CLINT1: variants seen among roughly 807,000 people sequenced by gnomAD.
CLINT1 encodes the protein clathrin interactor 1.
In CLINT1, 15 loss-of-function variants were observed where a neutral mutation model predicts 70.4. The observed-to-expected ratio is 0.21, with a 90% CI of 0.14 to 0.33. The LOEUF (loss-of-function observed/expected upper bound fraction) is 0.33, where lower values mean the gene tolerates loss of function less well. Among genes scored for constraint, CLINT1 ranks in the 10% least tolerant of loss-of-function variants. CLINT1 has a pLI of 1.00. For missense variants in CLINT1, 615 were observed against 778.1 expected, an observed-to-expected ratio of 0.79 and a Z score of 2.49; for synonymous variants, 227 against 254.7, an observed-to-expected ratio of 0.89 and a Z score of 1.04.
At chr5:157,840,213 A>AAAAAAAAAC (rs1554102281) in intron 1 of CLINT1, among the ~76,000 whole-genome samples, 1 of 141,476 alleles carries the variant, frequency 7.1e-6, no homozygotes, top group African/African-American at 2.7e-5. Context: ...AAAAAAAAAA[A>AAAAAAAAAC]GGAAAAAAGA....
At chr5:157,802,179 G>C (rs1762245296) in intron 8 of CLINT1, among the ~76,000 whole-genome samples, 1 of 152,136 alleles carries the variant, frequency 6.6e-6, no homozygotes, top group African/African-American at 2.4e-5. Flanking sequence ...ACAGGTGTGA[G>C]CCACTGTGCA....
chr5:157,852,841 A>T (rs1753619748), intron 1 of CLINT1, among the ~76,000 whole-genome samples: 1 of 152,234 alleles, frequency 6.6e-6, no homozygotes, highest in South Asian at 2.1e-4. Context: ...AGATGGACAA[A>T]CACACATAAT....
chr5:157,830,589 C>T (rs532757869), intron 1 of CLINT1, among the ~76,000 whole-genome samples: 3 of 151,758 alleles, frequency 2.0e-5, no homozygotes, highest in African/African-American at 7.3e-5. Context: ...AAACAAAATA[C>T]CTAAGGGCTG....
intron 7 of CLINT1, among the ~76,000 whole-genome samples, chr5:157,805,405 C>A (rs1447723610): frequency 6.6e-6 from 1 of 152,186 alleles, no homozygotes; most frequent in Non-Finnish European, 1.5e-5. Flanking sequence ...TCTTTTGATA[C>A]TGATCAGTAA....
chr5:157,827,439 A>G (rs2113250386), intron 1 of CLINT1, among the ~76,000 whole-genome samples: 1 of 152,302 alleles, frequency 6.6e-6, no homozygotes, highest in East Asian at 1.9e-4. Context: ...AAATATAGGG[A>G]CTGATCCAAA....
chr5:157,805,017 C>G (rs1409996658), intron 7 of CLINT1, among the ~76,000 whole-genome samples: 1 of 152,088 alleles, frequency 6.6e-6, no homozygotes, highest in East Asian at 1.9e-4. Context: ...ATACTACAAA[C>G]TGTTATTTAA....
intron 1 of CLINT1, among the ~76,000 whole-genome samples, chr5:157,851,195 T>C (rs763300623): frequency 6.6e-6 from 1 of 152,218 alleles, no homozygotes; most frequent in African/African-American, 2.4e-5. Flanking sequence ...ATGCCTTTTT[T>C]CTACTATAAA....
intron 1 of CLINT1, among the ~76,000 whole-genome samples, chr5:157,853,931 T>C (rs1408889705): frequency 9.9e-5 from 15 of 152,090 alleles, no homozygotes; most frequent in Non-Finnish European, 1.9e-4. Context: ...TAAGAAATGC[T>C]AGCAGAGATA....
intron 1 of CLINT1, among the ~76,000 whole-genome samples, chr5:157,828,173 G>T (rs1227189753): frequency 2.0e-5 from 3 of 152,176 alleles, no homozygotes; most frequent in African/African-American, 7.2e-5. Context: ...GACCTGGGCA[G>T]ATGACAGGCT....
intron 8 of CLINT1, 60 bp downstream of exon 8, chr5:157,803,590 T>C (rs916384984): frequency 8.4e-7 from 1 of 1,185,950 alleles, no homozygotes; most frequent in African/African-American, 1.6e-5. Flanking sequence ...ATCTATCTTT[T>C]ATTTGGCATT....
intron 1 of CLINT1, among the ~76,000 whole-genome samples, chr5:157,850,044 G>A (rs1753518175): frequency 6.6e-6 from 1 of 152,146 alleles, no homozygotes. Flanking sequence ...ATGTAATACA[G>A]GAGGTCCACT....
intron 1 of CLINT1, among the ~76,000 whole-genome samples, chr5:157,820,492 T>C (rs964750433): frequency 2.0e-5 from 3 of 152,336 alleles, no homozygotes; most frequent in South Asian, 4.1e-4. Context: ...AAGATGAGAT[T>C]TGATGGCATA....
At chr5:157,816,661 A>C (rs1415262178) in intron 3 of CLINT1, 73 bp downstream of exon 3, 5 of 942,394 alleles carry the variant, frequency 5.3e-6, no homozygotes, top group Non-Finnish European at 8.4e-6. Context: ...AAAATCACCT[A>C]TGTATATACA....
At chr5:157,833,540 G>C (rs888342829) in intron 1 of CLINT1, among the ~76,000 whole-genome samples, 1 of 152,144 alleles carries the variant, frequency 6.6e-6, no homozygotes, top group Non-Finnish European at 1.5e-5. Flanking sequence ...CTTATAGCTT[G>C]AATGCCACTT....
intron 1 of CLINT1, among the ~76,000 whole-genome samples, chr5:157,821,085 C>T (rs1762868789): frequency 2.0e-5 from 3 of 151,866 alleles, no homozygotes; most frequent in Admixed American, 2.0e-4. Flanking sequence ...TTTTAAAGTA[C>T]CGGCAACCAT....
intron 4 of CLINT1, 61 bp from the exon 5 acceptor site, chr5:157,813,288 T>G: frequency 7.2e-7 from 1 of 1,394,556 alleles, no homozygotes; most frequent in Non-Finnish European, 9.5e-7. Flanking sequence ...ATCAAGCTCT[T>G]TAAGATTAAA....
At chr5:157,804,037 TAAA>T (rs3836883) in intron 7 of CLINT1, among the ~76,000 whole-genome samples, 3,430 of 131,236 alleles carry the variant, frequency 0.026, 137 homozygotes, top group African/African-American at 0.085. Context: ...ATCAGTTCAT[TAAA>T]AAAAAAAAAA....
intron 1 of CLINT1, among the ~76,000 whole-genome samples, chr5:157,835,412 C>T (rs1763384941): frequency 6.6e-6 from 1 of 152,130 alleles, no homozygotes; most frequent in South Asian, 2.1e-4. Context: ...AAGAAAATGT[C>T]ACCAGAGGCT....
Position 157,840,468 on chromosome 5 carries a change from A to G in CLINT1, c.41+18462T>C, listed in dbSNP as rs1029224345. On this transcript the variant is annotated intron_variant, in intron 1 of 11. Coordinates refer to ENST00000411809, the MANE Select transcript of CLINT1 (RefSeq NM_014666.4). ...AATATTTTTTAACTACACTGTGGCT[A>G]TCTAAAAGAATCATCCTTATTCTCA... Among the ~76,000 whole-genome samples, 3 of 152,036 alleles carry G rather than the reference A, an allele frequency of 2.0e-5. No homozygotes were observed. The South Asian group carries it at 6.2e-4, about 31-fold the overall frequency.
Sources: allele counts gnomAD v4.1 joint callset (sites outside exome capture counted in the v4.1 genomes callset), GRCh38; gene constraint gnomAD v4.1.1; transcripts MANE v1.5; gene names NCBI Gene and HGNC (gene_info 2026-07-23, HGNC 2026-07-21).